The following LSAMP variants were observed in gnomAD, a reference collection of about 807,000 sequenced individuals.
LSAMP encodes the protein limbic system-associated membrane protein.
Under a neutral mutation model 38.6 loss-of-function variants are expected in LSAMP, and 7 were observed. The ratio of observed to expected loss-of-function variants is 0.18; its 90% CI spans 0.10 to 0.34. The LOEUF is 0.34. Among genes scored for constraint, LSAMP ranks in the 10% least tolerant of loss-of-function variants. LSAMP has a pLI of 1.00. For missense variants in LSAMP, 313 were observed against 420.0 expected (o/e 0.75, Z 2.23); for synonymous variants, 154 against 166.8 (o/e 0.92, Z 0.59).
At chr3:115,849,678 G>T (rs899408021) in intron 4 of LSAMP, among the ~76,000 whole-genome samples, 2 of 152,146 alleles carry the variant, frequency 1.3e-5, no homozygotes, top group African/African-American at 4.8e-5. Flanking sequence ...GCATTTCTTT[G>T]CATGTAAGAG....
chr3:116,121,888 T>C (rs1359849455), intron 1 of LSAMP, among the ~76,000 whole-genome samples: 1 of 122,958 alleles, frequency 8.1e-6, no homozygotes, highest in Non-Finnish European at 1.5e-5. Context: ...TTTTGTGATT[T>C]TTTTTTTTTT....
At chr3:116,395,404 G>A (rs1351191415) in intron 1 of LSAMP, among the ~76,000 whole-genome samples, 1 of 152,166 alleles carries the variant, frequency 6.6e-6, no homozygotes, top group Non-Finnish European at 1.5e-5. Context: ...CTTGAATATG[G>A]GAAGACAGGA....
intron 1 of LSAMP, among the ~76,000 whole-genome samples, chr3:116,109,141 C>A (rs1274581515): frequency 2.0e-5 from 3 of 152,112 alleles, no homozygotes; most frequent in Non-Finnish European, 4.4e-5. Context: ...GAAAAAGAGC[C>A]TAAACACTAT....
chr3:116,118,777 G>A (rs527809657), intron 1 of LSAMP, among the ~76,000 whole-genome samples: 3 of 152,096 alleles, frequency 2.0e-5, no homozygotes, highest in Admixed American at 6.6e-5. Flanking sequence ...GCCAAGTCAG[G>A]ACTCAAATAC....
At chr3:115,934,852 G>A (rs1245345606) in intron 3 of LSAMP, among the ~76,000 whole-genome samples, 1 of 152,080 alleles carries the variant, frequency 6.6e-6, no homozygotes, top group Non-Finnish European at 1.5e-5. Context: ...ATTACATCTA[G>A]GAAATGTTAT....
At chr3:115,870,967 C>A (rs1936015890) in intron 3 of LSAMP, among the ~76,000 whole-genome samples, 1 of 151,988 alleles carries the variant, frequency 6.6e-6, no homozygotes, top group Non-Finnish European at 1.5e-5. Flanking sequence ...TCGCTTCCCA[C>A]AGAAGAGAAA....
chr3:116,067,302 G>T (rs1027501451), intron 2 of LSAMP, among the ~76,000 whole-genome samples: 2 of 152,130 alleles, frequency 1.3e-5, no homozygotes, highest in Admixed American at 1.3e-4. Context: ...TGAAGAGAGA[G>T]ATGAACAAAA....
At chr3:116,112,915 G>A (rs905596573) in intron 1 of LSAMP, among the ~76,000 whole-genome samples, 1 of 151,498 alleles carries the variant, frequency 6.6e-6, no homozygotes, top group African/African-American at 2.4e-5. Context: ...ACAGGAGATT[G>A]CAAAATATTC....
At chr3:116,065,820 T>A (rs1042756910) in intron 2 of LSAMP, among the ~76,000 whole-genome samples, 1 of 152,198 alleles carries the variant, frequency 6.6e-6, no homozygotes, top group Non-Finnish European at 1.5e-5. Flanking sequence ...TAAAATAACT[T>A]GTGGAATCCA....
chr3:116,274,463 T>TTATATCTTTTTCTAATGCCTAAAA (rs1249960868), intron 1 of LSAMP, among the ~76,000 whole-genome samples: 9 of 152,210 alleles, frequency 5.9e-5, no homozygotes, highest in Admixed American at 4.6e-4. Flanking sequence ...CATTTTTTTC[T>TTATATCTTTTTCTAATGCCTAAAA]TATATCTTTT....
chr3:116,266,731 T>C (rs923644148), intron 1 of LSAMP, among the ~76,000 whole-genome samples: 2 of 151,916 alleles, frequency 1.3e-5, no homozygotes, highest in Admixed American at 6.6e-5. Context: ...CACAAGTGTA[T>C]AGAGAGGTAA....
At chr3:115,982,319 G>A (rs181673584) in intron 3 of LSAMP, among the ~76,000 whole-genome samples, 89 of 152,242 alleles carry the variant, frequency 5.8e-4, no homozygotes, top group African/African-American at 2.1e-3. Context: ...CATGACTCCC[G>A]TTCCAGAGAT....
intron 6 of LSAMP, among the ~76,000 whole-genome samples, chr3:115,813,871 A>G (rs935219820): frequency 1.1e-4 from 16 of 152,230 alleles, no homozygotes; most frequent in South Asian, 2.1e-4. Flanking sequence ...CCAGATGGCC[A>G]AGCTCAGCAA....
intron 3 of LSAMP, among the ~76,000 whole-genome samples, chr3:115,966,840 A>G (rs1490738927): frequency 6.6e-6 from 1 of 152,210 alleles, no homozygotes; most frequent in Non-Finnish European, 1.5e-5. Context: ...CAATGCAATA[A>G]TAAGCCTAAA....
At chr3:116,273,960 C>T (rs1359850484) in intron 1 of LSAMP, among the ~76,000 whole-genome samples, 1 of 151,516 alleles carries the variant, frequency 6.6e-6, no homozygotes, top group Non-Finnish European at 1.5e-5. Context: ...CACTAAGGTT[C>T]CTCCAAGTTT....
intron 6 of LSAMP, among the ~76,000 whole-genome samples, chr3:115,839,071 C>T (rs555584409): frequency 3.9e-5 from 6 of 152,292 alleles, no homozygotes; most frequent in East Asian, 1.9e-4. Context: ...TGCCCCCAAG[C>T]ATTTCTCCCC....
At chr3:116,444,818 A>G in intron 1 of LSAMP, 59 bp downstream of exon 1, 1 of 1,154,924 alleles carries the variant, frequency 8.7e-7, no homozygotes, top group Non-Finnish European at 1.2e-6. Context: ...ACAAACACAC[A>G]CACACACACA....
chr3:116,184,994 G>A (rs1710576759), intron 1 of LSAMP, among the ~76,000 whole-genome samples: 4 of 143,634 alleles, frequency 2.8e-5, no homozygotes, highest in African/African-American at 1.0e-4. Context: ...GATTTCTTGT[G>A]GTTTAACTGC....
chr3:116,121,134 T>C (rs940765245), intron 1 of LSAMP, among the ~76,000 whole-genome samples: 7 of 152,244 alleles, frequency 4.6e-5, no homozygotes, highest in African/African-American at 1.7e-4. Flanking sequence ...TTACTTGAAC[T>C]CACTGGCCTT....
Sources: gnomAD v4.1 joint callset for allele counts (sites outside exome capture counted in the v4.1 genomes callset) on GRCh38, gnomAD v4.1.1 for gene constraint, MANE v1.5 for transcripts, NCBI Gene and HGNC (gene_info 2026-07-23, HGNC 2026-07-21) for gene names.